The following LPP variants were observed in gnomAD, a reference collection of about 807,000 sequenced individuals.
LPP encodes the protein LIM domain containing preferred translocation partner in lipoma.
A neutral mutation model predicts 60.4 loss-of-function variants in LPP; 38 were observed. That is an observed-to-expected ratio of 0.63 (90% CI 0.49 to 0.83). LPP has a LOEUF of 0.83. Ranked by LOEUF, LPP falls within the 40% of genes least tolerant of loss-of-function variation. The pLI is 0.00. For synonymous variants in LPP, 328 were observed against 290.8 expected (o/e 1.13, Z -1.30); for missense variants, 902 against 783.6 (o/e 1.15, Z -1.80).
intron 2 of LPP, among the ~76,000 whole-genome samples, chr3:188,242,422 A>G (rs544448671): frequency 1.3e-5 from 2 of 151,930 alleles, no homozygotes; most frequent in East Asian, 3.9e-4. Flanking sequence ...AAGGAAAAAA[A>G]AACCACACAC....
In LPP at chr3:188,610,476, G is replaced by A. The variant is rs913620635; in HGVS notation, c.1113+632G>A. Reference sequence around the variant, plus strand: ...TGGACAGTTTCTCCTTTGAGAAGGGGCTGCAGTATAATGCAGCTTGTTTGT... The same window carrying A: ...TGGACAGTTTCTCCTTTGAGAAGGGACTGCAGTATAATGCAGCTTGTTTGT... On this transcript the variant is annotated intron_variant, in intron 7 of 11. Transcript: ENST00000617246. The surrounding 1 kb of genome is among the most constrained non-coding windows in gnomAD (Gnocchi z 4.4). Among the ~76,000 whole-genome samples, 1 of 152,240 alleles carries A rather than the reference G, an allele frequency of 6.6e-6. No individual in the cohort carries two copies. The highest frequency in any genetic ancestry group is 1.5e-5 in the Non-Finnish European group (1 of 68,046).
At chr3:188,641,726 CTTTGT>C (rs1850172591) in intron 7 of LPP, among the ~76,000 whole-genome samples, 1 of 152,124 alleles carries the variant, frequency 6.6e-6, no homozygotes, top group South Asian at 2.1e-4. Context: ...TTCTTTTCTT[CTTTGT>C]TTTCTTTTTG....
chr3:188,665,751 T>A lies in LPP; in HGVS notation c.1114-42516T>A, dbSNP rs902943226. Among the ~76,000 whole-genome samples, 6 of 152,210 alleles carry A rather than the reference T, an allele frequency of 3.9e-5. No homozygotes were observed. In the South Asian group the frequency reaches 8.3e-4, roughly 21 times the overall value. ...GCTGGGATTACAGGCATGAGCCACC[T>A]CGCCCGGCCAGCTAACATACTCTTT... is the stretch of plus-strand genomic sequence containing the variant. On this transcript the variant is annotated intron_variant, in intron 7 of 11. Coordinates refer to ENST00000617246, the MANE Select transcript of LPP (RefSeq NM_001375462.1).
chr3:188,370,861 G>T (rs368745532), intron 3 of LPP, among the ~76,000 whole-genome samples: 1 of 152,120 alleles, frequency 6.6e-6, no homozygotes, highest in African/African-American at 2.4e-5. Flanking sequence ...TCACGCCTGC[G>T]TAACTCTACT....
chr3:188,276,927 C>CAGGT (rs1316681600), intron 2 of LPP, among the ~76,000 whole-genome samples: 1 of 93,506 alleles, frequency 1.1e-5, no homozygotes, highest in African/African-American at 5.2e-5. Context: ...TTTGGAGAGA[C>CAGGT]AGGTCTTACT....
chr3:188,537,832 C>G (rs1349718811), intron 6 of LPP, among the ~76,000 whole-genome samples: 2 of 152,102 alleles, frequency 1.3e-5, no homozygotes, highest in African/African-American at 4.8e-5. Flanking sequence ...CACACACTTC[C>G]TAGTTTCAAA....
chr3:188,672,663 G>A (rs1251120845), intron 7 of LPP, among the ~76,000 whole-genome samples: 1 of 152,174 alleles, frequency 6.6e-6, no homozygotes, highest in Non-Finnish European at 1.5e-5. Flanking sequence ...AGAATAAGCT[G>A]TCTGTGCCCT....
chr3:188,386,661 A>G (rs2148628280), intron 3 of LPP, among the ~76,000 whole-genome samples: 1 of 152,334 alleles, frequency 6.6e-6, no homozygotes, highest in Non-Finnish European at 1.5e-5. Context: ...TATATTCTAA[A>G]GTAAACATCC....
At chr3:188,750,082 T>C (rs538633862) in intron 8 of LPP, among the ~76,000 whole-genome samples, 4 of 152,292 alleles carry the variant, frequency 2.6e-5, no homozygotes, top group African/African-American at 9.6e-5. Context: ...TCCAGGATGG[T>C]GCTTTGTGCT....
intron 9 of LPP, among the ~76,000 whole-genome samples, chr3:188,861,288 C>A (rs1402138184): frequency 6.6e-6 from 1 of 152,126 alleles, no homozygotes; most frequent in East Asian, 1.9e-4. Flanking sequence ...CTCAACAAGA[C>A]CTAAACTATC....
intron 10 of LPP, among the ~76,000 whole-genome samples, chr3:188,872,360 C>G (rs1028501752): frequency 5.9e-5 from 9 of 152,216 alleles, no homozygotes; most frequent in Non-Finnish European, 1.0e-4. Context: ...CATTCAGAAT[C>G]TATCTAAAGA....
intron 7 of LPP, among the ~76,000 whole-genome samples, chr3:188,639,668 A>G (rs1197398949): frequency 1.3e-5 from 2 of 150,720 alleles, no homozygotes; most frequent in Non-Finnish European, 3.0e-5. Context: ...ACAAATTTAC[A>G]AGAAAAAAAC....
intron 5 of LPP, among the ~76,000 whole-genome samples, chr3:188,521,710 T>A (rs943898175): frequency 1.8e-4 from 28 of 152,198 alleles, no homozygotes; most frequent in Non-Finnish European, 4.0e-4. Context: ...CATTTTCTTA[T>A]CTAAATCTTA....
chr3:188,435,449 A>C (rs901941424), intron 4 of LPP, among the ~76,000 whole-genome samples: 1 of 151,886 alleles, frequency 6.6e-6, no homozygotes, highest in Non-Finnish European at 1.5e-5. Flanking sequence ...GTACAGTACT[A>C]CCTCCTACTT....
Position 188,878,432 on chromosome 3 carries a change from C to G in LPP, c.*3953C>G, listed in dbSNP as rs1036337745. The G allele has an allele frequency of 9.3e-6, 2 of 215,102 alleles. No homozygotes were observed. Among genetic ancestry groups the G allele is most frequent in the African/African-American group, 2.3e-5 (1 of 44,250 alleles). 13.3% of individuals were successfully genotyped at this position (215,102 alleles called of 1,614,324 possible). On this transcript the variant is annotated 3_prime_UTR_variant, in exon 12 of 12. Coordinates refer to ENST00000617246, the MANE Select transcript of LPP (RefSeq NM_001375462.1). Reference sequence around the variant, plus strand: ...ACCTTAGTATTTCACATTTGTAGTTCAAACAAGCGATTGTCCATCTGTTGC... The same window carrying G: ...ACCTTAGTATTTCACATTTGTAGTTGAAACAAGCGATTGTCCATCTGTTGC...
At chr3:188,837,382 C>CATAATAATA (rs57174980) in intron 9 of LPP, among the ~76,000 whole-genome samples, 20,618 of 140,182 alleles carry the variant, frequency 0.15, 1,776 homozygotes, top group Non-Finnish European at 0.2. Flanking sequence ...CCATCTCAAA[C>CATAATAATA]ATAATAATAA....
Position 188,575,070 on chromosome 3 carries a change from G to A in LPP, c.430-34091G>A, listed in dbSNP as rs142413951. Among the ~76,000 whole-genome samples, 11 of 152,012 alleles carry A rather than the reference G, an allele frequency of 7.2e-5. No individual in the cohort carries two copies. The East Asian group carries it at 1.6e-3, about 22-fold the overall frequency. ...GAAGGTTTCCCCATCCTTAATTTGC[G>A]GCCTGAAAAGCTGTGGCTCTCCTCA... On this transcript the variant is annotated intron_variant, in intron 6 of 11. Coordinates refer to ENST00000617246, the MANE Select transcript of LPP (RefSeq NM_001375462.1).
intron 7 of LPP, among the ~76,000 whole-genome samples, chr3:188,672,452 C>T (rs944706317): frequency 7.2e-5 from 11 of 151,886 alleles, no homozygotes; most frequent in Admixed American, 3.3e-4. Flanking sequence ...TTGTTGTTGT[C>T]GTTGGATGGA....
intron 7 of LPP, among the ~76,000 whole-genome samples, chr3:188,679,482 C>T (rs912966125): frequency 7.3e-5 from 11 of 151,496 alleles, no homozygotes. Context: ...TAGTCTTTCT[C>T]GTCGTCCTGT....
Sources: gnomAD v4.1 joint callset for allele counts (sites outside exome capture counted in the v4.1 genomes callset) on GRCh38, gnomAD v4.1.1 for gene constraint, Gnocchi (gnomAD v3.1) non-coding constraint, MANE v1.5 for transcripts, NCBI Gene and HGNC (gene_info 2026-07-23, HGNC 2026-07-21) for gene names.